Variants in SAV1 observed in about 807,000 individuals in gnomAD.
SAV1 encodes protein salvador homolog 1.
A neutral mutation model predicts 47.3 loss-of-function variants in SAV1; 23 were observed. That is an observed-to-expected ratio of 0.49 (90% CI 0.35 to 0.69). The LOEUF is 0.69. Ranked by LOEUF, SAV1 falls within the 30% of genes least tolerant of loss-of-function variation. SAV1 has a pLI of 0.01. For missense variants in SAV1, 448 were observed against 457.4 expected (o/e 0.98, Z 0.19); for synonymous variants, 155 against 159.2 (o/e 0.97, Z 0.20).
rs79294876 is a variant in SAV1 at position 50,646,943 on chromosome 14, C to A, written c.536-1929G>T. Among the ~76,000 whole-genome samples the A allele has an allele frequency of 2.4e-3, 367 of 152,184 alleles. 1 individual carries two copies. The highest frequency in any genetic ancestry group is 8.1e-3 in the African/African-American group (338 of 41,520). On this transcript the variant is annotated intron_variant, in intron 2 of 4. Transcript: ENST00000324679. ...GAACCAAACAGAGAATCCAGAAGAA[C>A]ACCCACACAGACATGGTCAACTGAT...
intron 2 of SAV1, among the ~76,000 whole-genome samples, chr14:50,660,522 T>C (rs1051422087): frequency 1.3e-5 from 2 of 152,224 alleles, no homozygotes; most frequent in Non-Finnish European, 2.9e-5. Context: ...GTTTATGGGG[T>C]ACATGTGATA....
At chr14:50,666,321 G>C (rs182907847) in intron 1 of SAV1, among the ~76,000 whole-genome samples, 12 of 152,216 alleles carry the variant, frequency 7.9e-5, no homozygotes, top group Admixed American at 7.9e-4. Context: ...GTAGATAATA[G>C]AACAACAGCT....
Position 50,634,950 on chromosome 14 carries a change from A to G in SAV1, c.*233T>C. Reference sequence around the variant, plus strand: ...TTTTTTCCATCAAGAATACCAAAACAGTTTCCTAATATACAGTATTTGAAA... The same window carrying G: ...TTTTTTCCATCAAGAATACCAAAACGGTTTCCTAATATACAGTATTTGAAA... On this transcript the variant is annotated 3_prime_UTR_variant, in exon 5 of 5. Coordinates refer to ENST00000324679, the MANE Select transcript of SAV1 (RefSeq NM_021818.4). The G allele has an allele frequency of 2.3e-6, 1 of 434,496 alleles. No homozygotes were observed. The highest frequency in any genetic ancestry group is 3.4e-5 in the South Asian group (1 of 29,484). 26.9% of individuals were successfully genotyped at this position (434,496 alleles called of 1,614,324 possible).
chr14:50,653,641 C>T (rs979843543), intron 2 of SAV1, among the ~76,000 whole-genome samples: 1 of 152,116 alleles, frequency 6.6e-6, no homozygotes. Flanking sequence ...GAGGCCGAGG[C>T]AGGTGTATCA....
At chr14:50,666,856 A>C (rs987118204) in intron 1 of SAV1, among the ~76,000 whole-genome samples, 1 of 152,166 alleles carries the variant, frequency 6.6e-6, no homozygotes, top group African/African-American at 2.4e-5. Flanking sequence ...TTTTGTTGAA[A>C]GTATTGCAAG....
chr14:50,644,757 G>A lies in SAV1; in HGVS notation c.793C>T (p.Pro265Ser). 2 of 1,613,854 alleles carry A rather than the reference G, an allele frequency of 1.2e-6. No individual in the cohort carries two copies. Among genetic ancestry groups the A allele is most frequent in the Non-Finnish European group, 1.7e-6 (2 of 1,179,792 alleles). The change falls in exon 3 of 5, where the codon CCC becomes TCC. Residue 265 changes from proline (P) to serine (S), a missense_variant. Coordinates refer to ENST00000324679, the MANE Select transcript of SAV1 (RefSeq NM_021818.4). ...TTGATACTGTACCTAGGAGCACAGG[G>A]ATGCCTGTATTGGGCCTTCTTATTT... The part of the protein sequence containing the change: ...HTNKKAQYRH[P>S]CAPSVPRYDQ...
intron 2 of SAV1, among the ~76,000 whole-genome samples, chr14:50,652,358 C>G (rs8009117): frequency 0.011 from 1,732 of 152,256 alleles, 31 homozygotes; most frequent in African/African-American, 0.039. Context: ...CCAGATATGT[C>G]CATTGAAAAG....
chr14:50,637,560 A>G (rs2039643963), intron 4 of SAV1: 1 of 152,182 alleles, frequency 6.6e-6, no homozygotes, highest in Non-Finnish European at 1.5e-5. Flanking sequence ...AAGAACAAAA[A>G]TAAGATGGTA....
intron 2 of SAV1, among the ~76,000 whole-genome samples, chr14:50,652,237 CAATT>C (rs1180264852): frequency 3.3e-5 from 5 of 151,880 alleles, no homozygotes; most frequent in African/African-American, 1.2e-4. Context: ...TATTTTATCA[CAATT>C]AAACATTTTT....
intron 2 of SAV1, among the ~76,000 whole-genome samples, chr14:50,645,549 T>A (rs2039714742): frequency 6.6e-6 from 1 of 152,078 alleles, no homozygotes; most frequent in Admixed American, 6.5e-5. Context: ...TATCTTATTA[T>A]GTACATACAA....
At chr14:50,660,177 C>G (rs924760552) in intron 2 of SAV1, among the ~76,000 whole-genome samples, 1 of 152,204 alleles carries the variant, frequency 6.6e-6, no homozygotes, top group African/African-American at 2.4e-5. Flanking sequence ...CTGACTTGGT[C>G]TTGTGACTCC....
At chr14:50,649,078 A>G (rs1037525997) in intron 2 of SAV1, among the ~76,000 whole-genome samples, 11 of 151,936 alleles carry the variant, frequency 7.2e-5, no homozygotes, top group Non-Finnish European at 1.6e-4. Context: ...CACCTCCTGG[A>G]TGCTGTTCTC....
intron 2 of SAV1, among the ~76,000 whole-genome samples, chr14:50,661,607 T>C (rs1272042571): frequency 6.6e-6 from 1 of 152,206 alleles, no homozygotes; most frequent in African/African-American, 2.4e-5. Context: ...CAAGTTGAAT[T>C]TGCATATGGT....
At chr14:50,667,135 T>C (rs535131854) in intron 1 of SAV1, among the ~76,000 whole-genome samples, 1 of 150,442 alleles carries the variant, frequency 6.6e-6, no homozygotes, top group Non-Finnish European at 1.5e-5. Context: ...AACTCAAAAA[T>C]CAAATACTTA....
Position 50,635,220 on chromosome 14 carries a change from T to C in SAV1, c.1115A>G (p.Gln372Arg), listed in dbSNP as rs1288831799. The change falls in exon 5 of 5, where the codon CAG becomes CGG. Residue 372 changes from glutamine (Q) to arginine (R), a missense_variant. By Grantham distance (43) the Gln-to-Arg change is conservative. Transcript: ENST00000324679. The part of the protein sequence containing the change: ...LTELENRKQR[Q>R]QWYAQQHGKN... ...TCCATGTTGTTGGGCATACCACTGC[T>C]GTCTCTGCTTTCGGTTTTCCAACTC... The C allele has an allele frequency of 6.2e-7, 1 of 1,614,198 alleles. No individual in the cohort carries two copies. The highest frequency in any genetic ancestry group is 8.5e-7 in the Non-Finnish European group (1 of 1,180,026).
chr14:50,656,497 C>T (rs1045125514), intron 2 of SAV1, among the ~76,000 whole-genome samples: 2 of 142,948 alleles, frequency 1.4e-5, no homozygotes, highest in East Asian at 2.1e-4. Context: ...GGTTGGAGTG[C>T]GGTGGCGCGA....
chr14:50,644,291 T>G (rs2039702923), intron 3 of SAV1, among the ~76,000 whole-genome samples: 1 of 152,184 alleles, frequency 6.6e-6, no homozygotes, highest in African/African-American at 2.4e-5. Flanking sequence ...CAGTCCCAAT[T>G]TTCACTTTCT....
rs2039608448 is a variant in SAV1, at chr14:50,633,876, A to C, written c.*1307T>G. 6.1e-6 allele frequency: 1 copy of C among 164,224 alleles called. No individual in the cohort carries two copies. Among genetic ancestry groups the C allele is most frequent in the African/African-American group, 2.4e-5 (1 of 41,972 alleles). The allele number at this position is 164,224 out of a possible 1,614,324, so 10.2% of individuals were successfully genotyped here. ...TAGAGATTTATAGTTATAGTTTAGA[A>C]GTATCACCAATTTGTTTGCAATCAA... On this transcript the variant is annotated 3_prime_UTR_variant, in exon 5 of 5. Transcript: ENST00000324679.
intron 2 of SAV1, among the ~76,000 whole-genome samples, chr14:50,663,401 G>A (rs2039876049): frequency 6.6e-6 from 1 of 152,188 alleles, no homozygotes; most frequent in African/African-American, 2.4e-5. Flanking sequence ...TTATTCCTGA[G>A]GTTCAGAACT....
Sources: gnomAD v4.1 joint callset for allele counts (sites outside exome capture counted in the v4.1 genomes callset) on GRCh38, gnomAD v4.1.1 for gene constraint, MANE v1.5 for transcripts, NCBI Gene and HGNC (gene_info 2026-07-23, HGNC 2026-07-21) for gene names.